HECTD4: variants seen among roughly 807,000 people sequenced by gnomAD.
HECTD4 encodes HECT domain E3 ubiquitin protein ligase 4.
HECTD4 carries 114 observed loss-of-function variants against 471.5 expected under a neutral mutation model. That is an observed-to-expected ratio of 0.24 (90% CI 0.21 to 0.28). The LOEUF (loss-of-function observed/expected upper bound fraction) is 0.28. HECTD4 is among the 10% of genes least tolerant of loss of function. HECTD4 has a pLI of 1.00. For missense variants in HECTD4, 3,866 were observed against 5,651.5 expected (o/e 0.68, Z 10.13); for synonymous variants, 2,012 against 2,256.0 (o/e 0.89, Z 3.07).
At position 112,347,757 on chromosome 12, in the gene HECTD4, CAGA is replaced by C. The variant is rs563081533; in HGVS notation, c.178-28018_178-28016del. Among the ~76,000 whole-genome samples, 164 of 152,264 alleles carry C rather than the reference CAGA, an allele frequency of 1.1e-3. 1 individual carries two copies. The highest frequency in any genetic ancestry group is 3.8e-3 in the African/African-American group (158 of 41,556). On this transcript the variant is annotated intron_variant, in intron 1 of 75. Coordinates refer to ENST00000682272, the MANE Select transcript of HECTD4 (RefSeq NM_001388303.1). ...TTTCCTAAAGCCAAGATGCTCAGGG[CAGA>C]AGGAGATGGGGGCCCCATGGCAGGT...
rs1414591389 is a variant in HECTD4 at position 112,247,019 on chromosome 12, A to G, written c.4395T>C (p.Ala1465=). ...AACTCTTCACTAACGTCTTTGTTTT[A>G]GCCAGTGGGTGTGAGGGTTTCTGAA... The part of the protein sequence containing the change: ...SLIQKPSHPL[A]KTKTLVKSLM... The change falls in exon 29 of 76, where the codon GCT becomes GCC. Residue 1465 remains alanine (A), a synonymous_variant. Coordinates refer to ENST00000682272, the MANE Select transcript of HECTD4 (RefSeq NM_001388303.1). The G allele has an allele frequency of 6.8e-6, 11 of 1,611,464 alleles. No homozygotes were observed. The highest frequency in any genetic ancestry group is 9.3e-6 in the Non-Finnish European group (11 of 1,179,524).
intron 1 of HECTD4, among the ~76,000 whole-genome samples, chr12:112,364,667 T>C (rs1049542532): frequency 1.6e-4 from 24 of 151,994 alleles, no homozygotes; most frequent in African/African-American, 5.3e-4. Flanking sequence ...AGGTCCAGAC[T>C]GCAGTGAGCC....
chr12:112,275,619 C>CAT (rs149305522), intron 9 of HECTD4, among the ~76,000 whole-genome samples: 4,782 of 147,254 alleles, frequency 0.032, 182 homozygotes, highest in African/African-American at 0.089. Context: ...TCCACACCAG[C>CAT]ATATATATAT....
chr12:112,191,758 C>T (rs1566066958), intron 59 of HECTD4, among the ~76,000 whole-genome samples: 1 of 152,130 alleles, frequency 6.6e-6, no homozygotes, highest in Non-Finnish European at 1.5e-5. Context: ...ATAAAAAAGA[C>T]CATAAAGTTG....
At chr12:112,238,905 C>G (rs2033577753) in intron 34 of HECTD4, 147 bp downstream of exon 34, 1 of 719,932 alleles carries the variant, frequency 1.4e-6, no homozygotes. Flanking sequence ...GAGGAAAAGT[C>G]TCTCATGAAA....
intron 1 of HECTD4, chr12:112,322,648 C>T (rs966028377): frequency 1.3e-5 from 2 of 152,468 alleles, no homozygotes; most frequent in African/African-American, 4.8e-5. Flanking sequence ...CAAGTTAAAG[C>T]TATGAATCTC....
intron 1 of HECTD4, among the ~76,000 whole-genome samples, chr12:112,329,398 C>T (rs1299108535): frequency 2.7e-5 from 4 of 146,594 alleles, no homozygotes; most frequent in East Asian, 2.0e-4. Context: ...AACAGAGTCT[C>T]GCTCTGTTGC....
In HECTD4 at chr12:112,323,570, A is replaced by G. The variant is rs1031789099; in HGVS notation, c.178-3828T>C. ...CCAATTTCCAAGGGTTATGTTCTGT[A>G]TGATTTCATTTCTGTGACATTCTGG... On this transcript the variant is annotated intron_variant, in intron 1 of 75. Coordinates refer to ENST00000682272, the MANE Select transcript of HECTD4 (RefSeq NM_001388303.1). Among the ~76,000 whole-genome samples the G allele has an allele frequency of 1.8e-4, 27 of 151,806 alleles. 1 individual carries two copies. Among genetic ancestry groups the G allele is most frequent in the Admixed American group, 1.3e-4 (2 of 15,228 alleles).
At chr12:112,342,790 T>C (rs2036076202) in intron 1 of HECTD4, among the ~76,000 whole-genome samples, 1 of 152,230 alleles carries the variant, frequency 6.6e-6, no homozygotes, top group Non-Finnish European at 1.5e-5. Flanking sequence ...GTCATACCTA[T>C]CTTCTGTGAT....
At chr12:112,269,142 G>C (rs1035185051) in intron 13 of HECTD4, among the ~76,000 whole-genome samples, 2 of 151,918 alleles carry the variant, frequency 1.3e-5, no homozygotes, top group Non-Finnish European at 2.9e-5. Context: ...CAAAGTGCTG[G>C]GATTACAGGC....
chr12:112,338,380 C>T (rs1315929956), intron 1 of HECTD4, among the ~76,000 whole-genome samples: 1 of 152,132 alleles, frequency 6.6e-6, no homozygotes, highest in Non-Finnish European at 1.5e-5. Flanking sequence ...TTCTACTTTG[C>T]GAGGCTCAAG....
chr12:112,344,328 C>CA (rs1452534330), intron 1 of HECTD4, among the ~76,000 whole-genome samples: 1 of 152,024 alleles, frequency 6.6e-6, no homozygotes, highest in Non-Finnish European at 1.5e-5. Context: ...AACTGAAAAC[C>CA]AAAAACTGCA....
chr12:112,270,529 G>T, intron 11 of HECTD4, 70 bp from the exon 12 acceptor site: 1 of 1,263,336 alleles, frequency 7.9e-7, no homozygotes, highest in Non-Finnish European at 1.1e-6. Flanking sequence ...ATAGACCTTT[G>T]ACTTACAAAA....
chr12:112,188,893 G>A lies in HECTD4; in HGVS notation c.9472+1893C>T, dbSNP rs1247310887. On this transcript the variant is annotated intron_variant, in intron 60 of 75. Transcript: ENST00000682272. This position sits in a 1 kb window ranked among gnomAD's most constrained non-coding sequence, Gnocchi z 4.2. ...TGCCAGAACTATTCATGTCACCTCCGTTGTCCTTGCTCTACCATTTAGCAT... is the reference window on the plus strand; with the variant it reads ...TGCCAGAACTATTCATGTCACCTCCATTGTCCTTGCTCTACCATTTAGCAT... Among the ~76,000 whole-genome samples the A allele has an allele frequency of 3.9e-5, 6 of 152,214 alleles. No individual in the cohort carries two copies. Among genetic ancestry groups the A allele is most frequent in the South Asian group, 2.1e-4 (1 of 4,838 alleles).
intron 1 of HECTD4, among the ~76,000 whole-genome samples, chr12:112,365,772 GTTT>G (rs5800943): frequency 5.4e-5 from 5 of 91,954 alleles, no homozygotes; most frequent in East Asian, 3.5e-4. Flanking sequence ...TTTTTTTTTT[GTTT>G]TTTTTTTTTT....
chr12:112,170,085 C>A, intron 69 of HECTD4: 1 of 581,664 alleles, frequency 1.7e-6, no homozygotes, highest in Non-Finnish European at 3.0e-6. Flanking sequence ...CTGATCAGAG[C>A]AAAGCCTGCC....
At chr12:112,342,850 C>T (rs1367197854) in intron 1 of HECTD4, among the ~76,000 whole-genome samples, 1 of 152,132 alleles carries the variant, frequency 6.6e-6, no homozygotes, top group Non-Finnish European at 1.5e-5. Context: ...GCTTTTTCAC[C>T]AAAGAAATCC....
intron 10 of HECTD4, 56 bp downstream of exon 10, chr12:112,274,791 G>C: frequency 3.7e-6 from 4 of 1,068,340 alleles, no homozygotes; most frequent in Non-Finnish European, 5.6e-6. Flanking sequence ...GACAGTTCAA[G>C]AGAAATTTGC....
Position 112,217,147 on chromosome 12 carries a change from C to A in HECTD4, c.7123G>T (p.Ala2375Ser). ...GTAAGGTGAGATGAGAACATGCAGG[C>A]TCGAACAGGCGGAAACACTCGCGAG... The part of the protein sequence containing the change: ...SPSRVFPPVR[A>S]CMFSSHLTSV... The change falls in exon 46 of 76, where the codon GCC (alanine) becomes TCC (serine). Residue 2375 changes from alanine (A) to serine (S), a missense_variant. Ala to Ser is a moderately conservative substitution (Grantham distance 99, BLOSUM62 1). Around this residue, in one of 16 missense-constraint regions of HECTD4, gnomAD observed 617 missense variants for 915.1 expected, o/e 0.67. Coordinates refer to ENST00000682272, the MANE Select transcript of HECTD4 (RefSeq NM_001388303.1). The A allele has an allele frequency of 6.4e-7, 1 of 1,574,128 alleles. No individual in the cohort carries two copies. Among genetic ancestry groups the A allele is most frequent in the South Asian group, 1.2e-5 (1 of 84,592 alleles).
Sources: gnomAD v4.1 joint callset for allele counts (sites outside exome capture counted in the v4.1 genomes callset) on GRCh38, gnomAD v4.1.1 for gene constraint, gnomAD v4.1.1 regional missense constraint, Gnocchi (gnomAD v3.1) non-coding constraint, MANE v1.5 for transcripts, NCBI Gene and HGNC (gene_info 2026-07-23, HGNC 2026-07-21) for gene names.